GSPT1: variants seen among roughly 807,000 people sequenced by gnomAD.
GSPT1 encodes the protein eukaryotic peptide chain release factor GTP-binding subunit ERF3A.
GSPT1 carries 20 observed loss-of-function variants against 72.5 expected under a neutral mutation model. That is an observed-to-expected ratio of 0.28 (90% confidence interval 0.19 to 0.40). The LOEUF (loss-of-function observed/expected upper bound fraction) is 0.40. GSPT1 is among the 10% of genes least tolerant of loss of function. The pLI, the probability that GSPT1 is intolerant of heterozygous loss-of-function variation, is 1.00. For missense variants in GSPT1, 580 were observed against 811.9 expected (o/e 0.71, Z 3.47); for synonymous variants, 334 against 293.5 (o/e 1.14, Z -1.41).
At chr16:11,913,506 A>G (rs1258864897) in intron 1 of GSPT1, among the ~76,000 whole-genome samples, 1 of 152,224 alleles carries the variant, frequency 6.6e-6, no homozygotes, top group African/African-American at 2.4e-5. Context: ...TATCAGGAAG[A>G]GAGAAAGCCC....
chr16:11,887,904 T>A (rs1262340609), intron 6 of GSPT1, among the ~76,000 whole-genome samples, 154 bp from the exon 7 acceptor site: 1 of 152,146 alleles, frequency 6.6e-6, no homozygotes, highest in Non-Finnish European at 1.5e-5. Flanking sequence ...GTGGCTCACA[T>A]CTGTAATCTG....
chr16:11,881,938 A>G (rs1355466015), intron 11 of GSPT1: 1 of 152,300 alleles, frequency 6.6e-6, no homozygotes, highest in South Asian at 2.1e-4. Context: ...GGTGTTAGCC[A>G]CCATGCCTGG....
intron 6 of GSPT1, 118 bp from the exon 7 acceptor site, chr16:11,887,868 G>T: frequency 1.3e-6 from 1 of 758,150 alleles, no homozygotes; most frequent in Non-Finnish European, 2.1e-6. Context: ...AACAAGATTG[G>T]TGAAATGAAA....
At chr16:11,912,619 T>C (rs1006742651) in intron 1 of GSPT1, among the ~76,000 whole-genome samples, 1 of 152,182 alleles carries the variant, frequency 6.6e-6, no homozygotes, top group African/African-American at 2.4e-5. Context: ...CTCTGGCTGT[T>C]CTAAAAAGTT....
At chr16:11,892,741 A>C (rs1475195099) in intron 5 of GSPT1, among the ~76,000 whole-genome samples, 1 of 138,080 alleles carries the variant, frequency 7.2e-6, no homozygotes, top group Non-Finnish European at 1.5e-5. Flanking sequence ...AGGCAGGAGA[A>C]TCATTTGAAC....
At chr16:11,904,807 CG>C (rs2054468095) in intron 1 of GSPT1, among the ~76,000 whole-genome samples, 2 of 152,148 alleles carry the variant, frequency 1.3e-5, no homozygotes, top group Admixed American at 6.6e-5. Flanking sequence ...ATCTTCAAGC[CG>C]GGTGTAGTGG....
intron 9 of GSPT1, among the ~76,000 whole-genome samples, chr16:11,885,762 T>G (rs764462294): frequency 1.3e-5 from 2 of 152,138 alleles, no homozygotes; most frequent in South Asian, 2.1e-4. Flanking sequence ...TGCGGTGGCA[T>G]GTGCCTACAG....
intron 1 of GSPT1, among the ~76,000 whole-genome samples, chr16:11,905,815 G>A (rs889146956): frequency 6.6e-6 from 1 of 152,196 alleles, no homozygotes; most frequent in African/African-American, 2.4e-5. Context: ...TCCAGCCTGG[G>A]CGACAAGAGC....
At chr16:11,889,452 C>G (rs1035215674) in intron 6 of GSPT1, among the ~76,000 whole-genome samples, 2 of 149,128 alleles carry the variant, frequency 1.3e-5, no homozygotes, top group Non-Finnish European at 3.0e-5. Context: ...ATTCTCCTGC[C>G]TCAGCCTCCC....
At chr16:11,893,473 TAGAAA>T (rs894926089) in intron 5 of GSPT1, among the ~76,000 whole-genome samples, 1 of 151,670 alleles carries the variant, frequency 6.6e-6, no homozygotes, top group African/African-American at 2.4e-5. Flanking sequence ...GTAGGTACTA[TAGAAA>T]AGAAAAAAAA....
intron 5 of GSPT1, among the ~76,000 whole-genome samples, chr16:11,892,450 A>T (rs1056226265): frequency 6.8e-6 from 1 of 146,480 alleles, no homozygotes; most frequent in Non-Finnish European, 1.5e-5. Flanking sequence ...TTGAGGCTGC[A>T]GTGAGCCATG....
chr16:11,903,471 C>T (rs1439377683), intron 1 of GSPT1, among the ~76,000 whole-genome samples: 1 of 152,148 alleles, frequency 6.6e-6, no homozygotes, highest in Non-Finnish European at 1.5e-5. Flanking sequence ...GCCGAGATTG[C>T]ACCACTGCAC....
intron 1 of GSPT1, among the ~76,000 whole-genome samples, chr16:11,902,360 T>C (rs949396879): frequency 3.2e-5 from 4 of 125,794 alleles, no homozygotes; most frequent in Non-Finnish European, 6.2e-5. Context: ...CCAGCCTGGG[T>C]GACACGACTC....
At chr16:11,884,212 A>G (rs2054159326) in intron 10 of GSPT1, among the ~76,000 whole-genome samples, 1 of 152,208 alleles carries the variant, frequency 6.6e-6, no homozygotes, top group Admixed American at 6.5e-5. Context: ...AGGCTGTGGT[A>G]AAACTAACAC....
At chr16:11,904,464 A>G (rs1466707182) in intron 1 of GSPT1, among the ~76,000 whole-genome samples, 1 of 152,132 alleles carries the variant, frequency 6.6e-6, no homozygotes, top group African/African-American at 2.4e-5. Flanking sequence ...GGCCTCCTAA[A>G]GTGCTGGGAT....
In GSPT1 at chr16:11,915,775, GC is replaced by G. The variant is rs1310141827; in HGVS notation, c.-56del. 6.4e-7 allele frequency: 1 copy of G among 1,571,992 alleles called. No homozygotes were observed. The highest frequency in any genetic ancestry group is 8.6e-7 in the Non-Finnish European group (1 of 1,165,684). ...GAGAGCGGGAAATGGAGGCAGGGGCGCCCGGCCGGAGAGGAGTGGGCAACGC... is the reference window on the plus strand; with the variant it reads ...GAGAGCGGGAAATGGAGGCAGGGGCGCCGGCCGGAGAGGAGTGGGCAACGC... On this transcript the variant is annotated 5_prime_UTR_variant, in exon 1 of 15. Transcript: ENST00000434724.
In GSPT1 at chr16:11,886,563, G is replaced by A; in HGVS notation, c.1161C>T (p.Gly387=). The part of the protein sequence containing the change: ...EKLVPFLKKV[G]FNPKKDIHFM... ...AGTGAATGTCCTTTTTGGGATTGAA[G>A]CCAACTTTTTTCAAAAATGGCACTA... Residue 387 remains glycine, a synonymous_variant, in exon 9 of 15, where the codon GGC becomes GGT. Transcript: ENST00000434724. 1 of 1,612,568 alleles carries A rather than the reference G, an allele frequency of 6.2e-7. No individual in the cohort carries two copies. Among genetic ancestry groups the A allele is most frequent in the Non-Finnish European group, 8.5e-7 (1 of 1,178,672 alleles).
chr16:11,871,660 T>A lies in GSPT1; in HGVS notation c.*1459A>T, dbSNP rs965099443. On this transcript the variant is annotated 3_prime_UTR_variant, in exon 15 of 15. Transcript: ENST00000434724. ...TTTTCTTTTCTGAGGAGCAAAATTATAGGGAAGAGACTTGTCATTAAATAT... is the reference window on the plus strand; with the variant it reads ...TTTTCTTTTCTGAGGAGCAAAATTAAAGGGAAGAGACTTGTCATTAAATAT... 2 of 152,172 alleles carry A rather than the reference T, an allele frequency of 1.3e-5. No individual in the cohort carries two copies. The highest frequency in any genetic ancestry group is 6.5e-5 in the Admixed American group (1 of 15,276). 9.4% of individuals were successfully genotyped at this position (152,172 alleles called of 1,614,324 possible). A position where few individuals can be genotyped will look rare whatever the true frequency, so the allele number is the denominator to read the frequency against.
chr16:11,883,489 G>C (rs923982240), intron 10 of GSPT1, among the ~76,000 whole-genome samples: 1 of 133,020 alleles, frequency 7.5e-6, no homozygotes, highest in Non-Finnish European at 1.6e-5. Context: ...AGGCACGGTG[G>C]AATGCCTGTA....
Sources: allele counts gnomAD v4.1 joint callset (sites outside exome capture counted in the v4.1 genomes callset), GRCh38; gene constraint gnomAD v4.1.1; transcripts MANE v1.5; gene names NCBI Gene and HGNC (gene_info 2026-07-23, HGNC 2026-07-21).